FHIT: variants seen among roughly 807,000 people sequenced by gnomAD.
FHIT encodes the protein bis(5'-adenosyl)-triphosphatase.
Under a neutral mutation model 17.9 loss-of-function variants are expected in FHIT, and 19 were observed. The observed-to-expected ratio is 1.06, with a 90% CI of 0.74 to 1.56. The LOEUF (loss-of-function observed/expected upper bound fraction) is 1.56. FHIT is among the 40% of genes most tolerant of loss of function. The pLI is 0.00. For missense variants in FHIT, 248 were observed against 189.2 expected (o/e 1.31, Z -1.82); for synonymous variants, 81 against 69.7 (o/e 1.16, Z -0.81).
intron 7 of FHIT, among the ~76,000 whole-genome samples, chr3:59,948,453 G>A (rs1430107376): frequency 6.6e-6 from 1 of 151,740 alleles, no homozygotes; most frequent in Non-Finnish European, 1.5e-5. Flanking sequence ...GGAGGTGGAG[G>A]TTGCAGTGAG....
At chr3:60,184,887 G>C (rs1388458665) in intron 5 of FHIT, among the ~76,000 whole-genome samples, 2 of 152,138 alleles carry the variant, frequency 1.3e-5, no homozygotes, top group African/African-American at 4.8e-5. Context: ...TTATTCTGCT[G>C]TTCGAAGCGA....
At chr3:60,545,949 A>G (rs1239166921) in intron 4 of FHIT, among the ~76,000 whole-genome samples, 1 of 152,130 alleles carries the variant, frequency 6.6e-6, no homozygotes, top group Non-Finnish European at 1.5e-5. Flanking sequence ...TAACGCCATA[A>G]ATTATTGTTT....
At chr3:60,872,399 G>A (rs2107074632) in intron 3 of FHIT, among the ~76,000 whole-genome samples, 1 of 152,234 alleles carries the variant, frequency 6.6e-6, no homozygotes, top group South Asian at 2.1e-4. Flanking sequence ...ACCCTTTGGG[G>A]AAAGGGTAAT....
intron 5 of FHIT, among the ~76,000 whole-genome samples, chr3:60,071,502 T>C (rs1409590856): frequency 6.6e-6 from 1 of 152,186 alleles, no homozygotes; most frequent in Non-Finnish European, 1.5e-5. Context: ...TGTGTGTTTT[T>C]TTGTCTTCAC....
intron 2 of FHIT, among the ~76,000 whole-genome samples, chr3:61,109,154 T>C (rs1339839260): frequency 6.6e-6 from 1 of 152,158 alleles, no homozygotes; most frequent in African/African-American, 2.4e-5. Context: ...GCAGAAGGCA[T>C]GTATGAAGAA....
At chr3:60,593,886 A>G (rs1166693423) in intron 4 of FHIT, among the ~76,000 whole-genome samples, 4 of 152,240 alleles carry the variant, frequency 2.6e-5, no homozygotes, top group Non-Finnish European at 4.4e-5. Context: ...ACTAATTCCT[A>G]TGAGATGGGA....
chr3:60,068,234 C>CA (rs1403496867), intron 5 of FHIT, among the ~76,000 whole-genome samples: 43 of 151,520 alleles, frequency 2.8e-4, no homozygotes, highest in South Asian at 1.3e-3. Context: ...GACTCTGCCT[C>CA]AAAAAAAACA....
intron 4 of FHIT, among the ~76,000 whole-genome samples, chr3:60,708,166 T>C (rs2041422006): frequency 6.6e-6 from 1 of 152,184 alleles, no homozygotes; most frequent in Non-Finnish European, 1.5e-5. Context: ...AATTATGGAA[T>C]TAGTATCAGC....
chr3:59,760,149 T>A (rs1221044525), intron 8 of FHIT, among the ~76,000 whole-genome samples: 1 of 152,184 alleles, frequency 6.6e-6, no homozygotes, highest in Non-Finnish European at 1.5e-5. Flanking sequence ...ATAACTTACT[T>A]GAGTAAAAGC....
At chr3:61,098,015 A>G (rs1261260526) in intron 2 of FHIT, among the ~76,000 whole-genome samples, 1 of 152,084 alleles carries the variant, frequency 6.6e-6, no homozygotes, top group Non-Finnish European at 1.5e-5. Flanking sequence ...TTGTCATTAA[A>G]TCTTTGCCTG....
chr3:61,146,062 A>G lies in FHIT; in HGVS notation c.-164+54555T>C, dbSNP rs149348857. Among the ~76,000 whole-genome samples the G allele has an allele frequency of 1.4e-3, 210 of 152,154 alleles. 1 individual carries two copies. The highest frequency in any genetic ancestry group is 4.9e-3 in the African/African-American group (203 of 41,560). ...CCTAAGCTCTCATTCAGTCCCTTCA[A>G]TTAACCCTTCAGGCTGATGATCACT... is the stretch of plus-strand genomic sequence containing the variant. On this transcript the variant is annotated intron_variant, in intron 2 of 9. Coordinates refer to ENST00000492590, the MANE Select transcript of FHIT (RefSeq NM_002012.4).
intron 4 of FHIT, among the ~76,000 whole-genome samples, chr3:60,750,932 C>T (rs2042453727): frequency 6.6e-6 from 1 of 152,138 alleles, no homozygotes; most frequent in Non-Finnish European, 1.5e-5. Context: ...ATACTAAAGC[C>T]TTCTTCCCAC....
chr3:60,539,397 G>C (rs2036103467), intron 4 of FHIT, among the ~76,000 whole-genome samples: 1 of 152,130 alleles, frequency 6.6e-6, no homozygotes, highest in Non-Finnish European at 1.5e-5. Context: ...ATTCCTCAGG[G>C]ATCTAGAACT....
At chr3:59,841,963 G>A (rs1477372498) in intron 8 of FHIT, among the ~76,000 whole-genome samples, 1 of 152,102 alleles carries the variant, frequency 6.6e-6, no homozygotes, top group African/African-American at 2.4e-5. Context: ...GTGACAATAA[G>A]TACATTTACA....
At chr3:60,320,909 T>C (rs1026025950) in intron 5 of FHIT, among the ~76,000 whole-genome samples, 4 of 152,208 alleles carry the variant, frequency 2.6e-5, no homozygotes, top group African/African-American at 9.6e-5. Context: ...ATCGTAATGA[T>C]CACTATTTAA....
intron 5 of FHIT, among the ~76,000 whole-genome samples, chr3:60,276,237 C>T (rs1018799548): frequency 3.3e-5 from 5 of 152,108 alleles, no homozygotes; most frequent in South Asian, 2.1e-4. Flanking sequence ...CCGCCTGCCT[C>T]GGCCACCTAA....
intron 7 of FHIT, among the ~76,000 whole-genome samples, chr3:60,009,744 C>T (rs773980725): frequency 1.1e-4 from 17 of 152,168 alleles, no homozygotes; most frequent in African/African-American, 2.2e-4. Flanking sequence ...AAGTCCACAA[C>T]GTTTTCATTA....
chr3:60,397,871 C>T (rs9862809), intron 5 of FHIT, among the ~76,000 whole-genome samples: 39,435 of 151,998 alleles, frequency 0.26, 5,232 homozygotes, highest in East Asian at 0.47. Flanking sequence ...TACACTGCCA[C>T]GCCCACCTTT....
intron 5 of FHIT, among the ~76,000 whole-genome samples, chr3:60,306,618 T>C (rs934684050): frequency 1.3e-5 from 2 of 152,126 alleles, no homozygotes. Flanking sequence ...CAACCCTTAC[T>C]TGTAGATCTT....
Sources: allele counts gnomAD v4.1 joint callset (sites outside exome capture counted in the v4.1 genomes callset), GRCh38; gene constraint gnomAD v4.1.1; transcripts MANE v1.5; gene names NCBI Gene and HGNC (gene_info 2026-07-23, HGNC 2026-07-21).